The following NCOA3 variants were observed in gnomAD, a reference collection of about 807,000 sequenced individuals.
The protein encoded by NCOA3 is CBP-interacting protein.
In NCOA3, 51 loss-of-function variants were observed where a neutral mutation model predicts 158.8. The observed-to-expected ratio is 0.32, with a 90% CI of 0.26 to 0.41. The LOEUF (loss-of-function observed/expected upper bound fraction) is 0.41, where lower values mean the gene tolerates loss of function less well. NCOA3 is among the 10% of genes least tolerant of loss of function. NCOA3 has a pLI of 1.00. For missense variants in NCOA3, 1,510 were observed against 1,746.6 expected (o/e 0.86, Z 2.41); for synonymous variants, 537 against 592.4 (o/e 0.91, Z 1.36).
chr20:47,581,783 G>A (rs750875428), intron 1 of NCOA3, among the ~76,000 whole-genome samples: 1 of 152,164 alleles, frequency 6.6e-6, no homozygotes, highest in Non-Finnish European at 1.5e-5. Context: ...AAGTGCAAAA[G>A]CCTGCTGTTT....
rs1486377746 is a variant in NCOA3, at chr20:47,583,178, C to G, written c.-98-5C>G. ...TTCAATCCCTCCTCTTCTTTTTGTCCTCAGGATCAAAATACTTGCTGGATG... is the reference window on the plus strand; with the variant it reads ...TTCAATCCCTCCTCTTCTTTTTGTCGTCAGGATCAAAATACTTGCTGGATG... On this transcript the variant is annotated splice_region_variant and splice_polypyrimidine_tract_variant and intron_variant, in intron 1 of 22. Transcript: ENST00000371998. The G allele has an allele frequency of 1.3e-5, 5 of 398,408 alleles. No homozygotes were observed. The highest frequency in any genetic ancestry group is 8.8e-6 in the Non-Finnish European group (2 of 226,042). 24.7% of individuals were successfully genotyped at this position (398,408 alleles called of 1,614,324 possible). A position where few individuals can be genotyped will look rare whatever the true frequency, so the allele number is the denominator to read the frequency against.
chr20:47,552,510 A>G (rs995897693), intron 1 of NCOA3, among the ~76,000 whole-genome samples: 3 of 152,312 alleles, frequency 2.0e-5, no homozygotes, highest in East Asian at 1.9e-4. Context: ...GCCCTTGTCC[A>G]TATAAGAACA....
At chr20:47,506,836 C>G (rs1212786600) in intron 1 of NCOA3, among the ~76,000 whole-genome samples, 7 of 151,832 alleles carry the variant, frequency 4.6e-5, no homozygotes, top group Non-Finnish European at 8.8e-5. Context: ...CATTTTTCAT[C>G]TGTTATTCCT....
Position 47,624,149 on chromosome 20 carries a change from G to C in NCOA3, c.256+66G>C. 4 of 1,447,640 alleles carry C rather than the reference G, an allele frequency of 2.8e-6. No homozygotes were observed. The South Asian group carries it at 5.4e-5, about 20-fold the overall frequency. 89.7% of individuals were successfully genotyped at this position (1,447,640 alleles called of 1,614,324 possible). On this transcript the variant is annotated intron_variant, in intron 4 of 22. Coordinates refer to ENST00000371998, the MANE Select transcript of NCOA3 (RefSeq NM_181659.3). ...CCAACCTTTTTGGCACCAGGGACTG[G>C]TTTTGTGGAAGCCAGTTTTTCCATG...
intron 1 of NCOA3, among the ~76,000 whole-genome samples, chr20:47,513,335 G>A (rs993797720): frequency 4.6e-5 from 7 of 152,116 alleles, no homozygotes; most frequent in African/African-American, 1.7e-4. Context: ...AAATACATAT[G>A]AGGATATTTA....
At chr20:47,574,478 G>A (rs908526206) in intron 1 of NCOA3, among the ~76,000 whole-genome samples, 4 of 146,648 alleles carry the variant, frequency 2.7e-5, no homozygotes, top group Non-Finnish European at 5.9e-5. Context: ...TTGCTACTAT[G>A]TATATTTTGA....
At chr20:47,596,801 C>T (rs1209537647) in intron 2 of NCOA3, among the ~76,000 whole-genome samples, 2 of 152,046 alleles carry the variant, frequency 1.3e-5, no homozygotes, top group Non-Finnish European at 2.9e-5. Context: ...ACATGTTGCC[C>T]AGGGTGGTCT....
At chr20:47,574,921 C>T (rs1052770821) in intron 1 of NCOA3, among the ~76,000 whole-genome samples, 6 of 152,134 alleles carry the variant, frequency 3.9e-5, no homozygotes, top group Non-Finnish European at 8.8e-5. Flanking sequence ...ATTTTGACAT[C>T]AGCATTATAT....
rs1460071684 is a variant in NCOA3 at position 47,636,074 on chromosome 20, G to C, written c.1688G>C (p.Ser563Thr). Reference sequence around the variant, plus strand: ...AATATTACCCAACCAAGTAAAGTAAGCAATCAGGATTCCAAGAGTCCTCTG... The same window carrying C: ...AATATTACCCAACCAAGTAAAGTAACCAATCAGGATTCCAAGAGTCCTCTG... ...NMNITQPSKVSNQDSKSPLGF... is the reference protein window; with the variant it reads ...NMNITQPSKVTNQDSKSPLGF... The change falls in exon 12 of 23, where the codon AGC becomes ACC. Residue 563 changes from serine (S) to threonine (T), a missense_variant. Ser to Thr is a moderately conservative substitution (Grantham distance 58). This residue lies in a region of NCOA3 where 1,017 missense variants were observed against 1,098.3 expected (regional missense o/e 0.93). Transcript: ENST00000371998. 6.2e-7 allele frequency: 1 copy of C among 1,614,096 alleles called. No individual in the cohort carries two copies. The highest frequency in any genetic ancestry group is 8.5e-7 in the Non-Finnish European group (1 of 1,180,010).
chr20:47,639,024 G>C lies in NCOA3; in HGVS notation c.2529G>C (p.Gln843His). 1.2e-6 allele frequency: 2 copies of C among 1,609,168 alleles called. No homozygotes were observed. The highest frequency in any genetic ancestry group is 2.7e-5 in the African/African-American group (2 of 74,918). Residue 843 changes from glutamine (Q) to histidine (H), a missense_variant, in exon 14 of 23, where the codon CAG becomes CAC. Coordinates refer to ENST00000371998, the MANE Select transcript of NCOA3 (RefSeq NM_181659.3). ...TTTCAACAGGTTTGAAAAGTTCACAGTCTGTGCAGTCTATTCGTCCTCCAT... is the reference window on the plus strand; with the variant it reads ...TTTCAACAGGTTTGAAAAGTTCACACTCTGTGCAGTCTATTCGTCCTCCAT... ...GTNSLGLKSS[Q>H]SVQSIRPPYN...
chr20:47,518,420 GT>G lies in NCOA3; in HGVS notation c.-99+16417del, dbSNP rs35593021. ...AAATAATAGAGGATTTTCTTTTTCT[GT>G]TTTTTTTTTTTTTTTGAGACAGAGT... On this transcript the variant is annotated intron_variant, in intron 1 of 22. Transcript: ENST00000371998. 6.8e-3 allele frequency among the ~76,000 whole-genome samples: 906 copies of G among 132,884 alleles called. 2 individuals carry two copies. The highest frequency in any genetic ancestry group is 0.011 in the Non-Finnish European group (691 of 62,864). The allele number at this position is 132,884 out of a possible 152,430, so 87.2% of individuals were successfully genotyped here.
At chr20:47,575,629 G>A (rs2085361833) in intron 1 of NCOA3, among the ~76,000 whole-genome samples, 1 of 152,138 alleles carries the variant, frequency 6.6e-6, no homozygotes, top group Admixed American at 6.6e-5. Context: ...GAAATAACTG[G>A]TATCTTACTT....
chr20:47,508,971 C>T (rs1363554683), intron 1 of NCOA3, among the ~76,000 whole-genome samples: 1 of 152,156 alleles, frequency 6.6e-6, no homozygotes, highest in Non-Finnish European at 1.5e-5. Context: ...TTATACAATT[C>T]TATAAACTTA....
chr20:47,511,269 T>TGG (rs149901273), intron 1 of NCOA3, among the ~76,000 whole-genome samples: 1 of 146,328 alleles, frequency 6.8e-6, no homozygotes, highest in Non-Finnish European at 1.5e-5. Flanking sequence ...TTTTTTGAGA[T>TGG]GGGGGTCTCA....
intron 2 of NCOA3, among the ~76,000 whole-genome samples, chr20:47,591,457 G>A (rs2085638722): frequency 1.3e-5 from 2 of 152,066 alleles, no homozygotes; most frequent in Non-Finnish European, 2.9e-5. Flanking sequence ...GGGAAGCATC[G>A]GAGAGTAGCA....
intron 1 of NCOA3, among the ~76,000 whole-genome samples, chr20:47,523,578 G>A (rs1602342187): frequency 6.6e-6 from 1 of 152,136 alleles, no homozygotes; most frequent in South Asian, 2.1e-4. Context: ...TTAAAGAGGG[G>A]TTGTAGCCAC....
Position 47,639,210 on chromosome 20 carries a change from A to T in NCOA3, c.2707+8A>T, listed in dbSNP as rs773977299. 1 of 1,589,608 alleles carries T rather than the reference A, an allele frequency of 6.3e-7. No individual in the cohort carries two copies. Among genetic ancestry groups the T allele is most frequent in the Non-Finnish European group, 8.6e-7 (1 of 1,159,372 alleles). ...ATTATGGCTCAAGTATGGGTACGTT[A>T]TTTCTAATTAGTATGTATGATTATT... On this transcript the variant is annotated splice_region_variant and intron_variant, in intron 14 of 22. Coordinates refer to ENST00000371998, the MANE Select transcript of NCOA3 (RefSeq NM_181659.3).
intron 1 of NCOA3, among the ~76,000 whole-genome samples, chr20:47,505,344 G>C (rs935094267): frequency 6.6e-6 from 1 of 152,036 alleles, no homozygotes; most frequent in African/African-American, 2.4e-5. Context: ...ACAGGTGTGA[G>C]CCATCACGCC....
intron 2 of NCOA3, among the ~76,000 whole-genome samples, chr20:47,596,411 T>C (rs148788502): frequency 1.2e-4 from 18 of 152,326 alleles, no homozygotes; most frequent in Admixed American, 4.6e-4. Context: ...AAATCTGCAA[T>C]TGATAAACAT....
Sources: allele counts gnomAD v4.1 joint callset (sites outside exome capture counted in the v4.1 genomes callset), GRCh38; gene constraint gnomAD v4.1.1; regional missense constraint gnomAD v4.1.1; transcripts MANE v1.5; gene names NCBI Gene and HGNC (gene_info 2026-07-23, HGNC 2026-07-21).